Variants in C1GALT1 observed in about 807,000 individuals in gnomAD.
C1GALT1 encodes the protein core 1 synthase, glycoprotein-N-acetylgalactosamine 3-beta-galactosyltransferase 1.
A neutral mutation model predicts 31.0 loss-of-function variants in C1GALT1; 11 were observed. The ratio of observed to expected loss-of-function variants is 0.36; its 90% confidence interval spans 0.22 to 0.59. The LOEUF (loss-of-function observed/expected upper bound fraction) is 0.59, where lower values mean the gene tolerates loss of function less well. Among genes scored for constraint, C1GALT1 ranks in the 20% least tolerant of loss-of-function variants. The pLI is 0.79. For missense variants in C1GALT1, 424 were observed against 425.2 expected, an observed-to-expected ratio of 1.00 and a Z score of 0.03; for synonymous variants, 175 against 143.6, an observed-to-expected ratio of 1.22 and a Z score of -1.56.
intron 1 of C1GALT1, among the ~76,000 whole-genome samples, chr7:7,208,723 C>A (rs766849332): frequency 6.6e-6 from 1 of 152,164 alleles, no homozygotes; most frequent in Non-Finnish European, 1.5e-5. Context: ...AGTCAGAACA[C>A]CCATTCCTGA....
intron 1 of C1GALT1, among the ~76,000 whole-genome samples, chr7:7,227,735 A>G (rs572878027): frequency 1.2e-4 from 18 of 149,308 alleles, no homozygotes; most frequent in African/African-American, 4.5e-4. Context: ...AAAAAAAAAA[A>G]GGGAAGAGGA....
chr7:7,176,107 T>C (rs1452257643), intron 2 of C1GALT1, among the ~76,000 whole-genome samples: 1 of 152,168 alleles, frequency 6.6e-6, no homozygotes, highest in Non-Finnish European at 1.5e-5. Context: ...TCTGTATCCA[T>C]TATAATAAGT....
At chr7:7,191,444 T>C (rs922968873) in intron 1 of C1GALT1, among the ~76,000 whole-genome samples, 6 of 152,168 alleles carry the variant, frequency 3.9e-5, no homozygotes, top group African/African-American at 1.4e-4. Context: ...GCAATGACCA[T>C]GAGTGTACAA....
chr7:7,213,427 T>G (rs761658371), intron 1 of C1GALT1, among the ~76,000 whole-genome samples: 11 of 152,210 alleles, frequency 7.2e-5, no homozygotes, highest in Non-Finnish European at 1.6e-4. Flanking sequence ...TATATTAGTA[T>G]TATTTACCGA....
intron 1 of C1GALT1, among the ~76,000 whole-genome samples, chr7:7,206,181 A>G (rs535997701): frequency 1.9e-4 from 28 of 150,920 alleles, no homozygotes; most frequent in South Asian, 4.2e-4. Flanking sequence ...GTCAAAAAAT[A>G]TAAACTAATT....
chr7:7,234,673 GA>G, intron 2 of C1GALT1, 134 bp downstream of exon 2: 1 of 655,096 alleles, frequency 1.5e-6, no homozygotes, highest in Non-Finnish European at 2.5e-6. Flanking sequence ...TTTGCCTCAA[GA>G]GAAGGGAATT....
intron 1 of C1GALT1, among the ~76,000 whole-genome samples, chr7:7,223,684 A>G (rs751216546): frequency 1.4e-4 from 21 of 152,306 alleles, no homozygotes; most frequent in African/African-American, 1.9e-4. Context: ...TCACAGTCAC[A>G]TTATCTACAA....
At chr7:7,179,075 C>T (rs1462354578), upstream of C1GALT1, among the ~76,000 whole-genome samples, 5 of 152,214 alleles carry the variant, frequency 3.3e-5, no homozygotes, top group Non-Finnish European at 7.3e-5. Flanking sequence ...CTCAATACCT[C>T]ACCGGTTGTT....
chr7:7,203,919 A>G (rs1781621250), intron 1 of C1GALT1, among the ~76,000 whole-genome samples: 1 of 151,946 alleles, frequency 6.6e-6, no homozygotes, highest in African/African-American at 2.4e-5. Flanking sequence ...TTCTCCAACT[A>G]TTATCATTAG....
intron 2 of C1GALT1, among the ~76,000 whole-genome samples, chr7:7,170,036 T>C (rs557980694): frequency 6.6e-6 from 1 of 152,320 alleles, no homozygotes; most frequent in South Asian, 2.1e-4. Context: ...TCTGGCCTTG[T>C]TGTAGGTCTA....
chr7:7,181,280 G>C (rs115490229), upstream of C1GALT1, among the ~76,000 whole-genome samples: 16 of 93,560 alleles, frequency 1.7e-4, no homozygotes, highest in Non-Finnish European at 3.0e-4. Context: ...AGGGGGAGGA[G>C]GCTGAGCAAC....
intron 1 of C1GALT1, among the ~76,000 whole-genome samples, chr7:7,195,312 CT>C (rs1044658812): frequency 4.6e-5 from 7 of 152,194 alleles, no homozygotes; most frequent in South Asian, 2.1e-4. Context: ...GCATTCATTG[CT>C]GTGAACTTTG....
chr7:7,219,786 T>A (rs994881014), intron 1 of C1GALT1, among the ~76,000 whole-genome samples: 2 of 152,156 alleles, frequency 1.3e-5, no homozygotes, highest in Non-Finnish European at 2.9e-5. Context: ...TCACTTTTTT[T>A]AAGCACATAA....
chr7:7,223,170 T>G (rs1344962682), intron 1 of C1GALT1, among the ~76,000 whole-genome samples: 1 of 152,182 alleles, frequency 6.6e-6, no homozygotes, highest in Non-Finnish European at 1.5e-5. Flanking sequence ...AGGTTTTTCT[T>G]TTTTTGGAGA....
intron 1 of C1GALT1, among the ~76,000 whole-genome samples, chr7:7,184,001 C>T (rs954940970): frequency 6.6e-6 from 1 of 152,146 alleles, no homozygotes; most frequent in African/African-American, 2.4e-5. Flanking sequence ...CAAGTTGCTT[C>T]ATTCTGGTGT....
intron 2 of C1GALT1, among the ~76,000 whole-genome samples, chr7:7,169,964 C>G (rs572269838): frequency 6.6e-6 from 1 of 152,292 alleles, no homozygotes; most frequent in South Asian, 2.1e-4. Flanking sequence ...CAAAGTTCAC[C>G]AGTGAAGCTA....
At chr7:7,174,829 T>A (rs1389057168) in intron 2 of C1GALT1, among the ~76,000 whole-genome samples, 1 of 152,188 alleles carries the variant, frequency 6.6e-6, no homozygotes, top group Non-Finnish European at 1.5e-5. Context: ...TATTCTCATC[T>A]TGTTCATACA....
intron 1 of C1GALT1, among the ~76,000 whole-genome samples, chr7:7,201,762 G>A (rs1036092802): frequency 1.3e-5 from 2 of 152,262 alleles, no homozygotes; most frequent in East Asian, 1.9e-4. Context: ...CCCCTCCCCC[G>A]AGGAAGTAAG....
At chr7:7,237,487 T>C (rs958083919) in intron 2 of C1GALT1, among the ~76,000 whole-genome samples, 32 of 152,344 alleles carry the variant, frequency 2.1e-4, no homozygotes, top group African/African-American at 7.7e-4. Flanking sequence ...TTCAAAGTAA[T>C]GTGTTGCTTT....
Sources: allele counts gnomAD v4.1 joint callset (sites outside exome capture counted in the v4.1 genomes callset), GRCh38; gene constraint gnomAD v4.1.1; transcripts MANE v1.5; gene names NCBI Gene and HGNC (gene_info 2026-07-23, HGNC 2026-07-21).